MCTP1: variants seen among roughly 807,000 people sequenced by gnomAD.
The protein encoded by MCTP1 is multiple C2 and transmembrane domain containing 1.
Under a neutral mutation model 120.6 loss-of-function variants are expected in MCTP1, and 69 were observed. That is an observed-to-expected ratio of 0.57 (90% CI 0.47 to 0.70). MCTP1 has a LOEUF of 0.70. Ranked by LOEUF, MCTP1 falls within the 30% of genes least tolerant of loss-of-function variation. The pLI, the probability that MCTP1 is intolerant of heterozygous loss-of-function variation, is 0.00. For synonymous variants in MCTP1, 529 were observed against 493.1 expected, an observed-to-expected ratio of 1.07 and a Z score of -0.96; for missense variants, 1,203 against 1,248.8, an observed-to-expected ratio of 0.96 and a Z score of 0.55.
At chr5:95,139,067 G>T (rs957399637) in intron 1 of MCTP1, among the ~76,000 whole-genome samples, 2 of 150,610 alleles carry the variant, frequency 1.3e-5, no homozygotes, top group African/African-American at 4.9e-5. Flanking sequence ...AACATTTAGG[G>T]TTTTTTTTTC....
At chr5:94,912,195 A>C (rs990233469) in intron 9 of MCTP1, among the ~76,000 whole-genome samples, 14 of 151,936 alleles carry the variant, frequency 9.2e-5, no homozygotes, top group Non-Finnish European at 1.9e-4. Context: ...GGGAGGCCAA[A>C]GTGGGTGGAT....
chr5:95,143,039 A>G (rs1182515810), intron 1 of MCTP1, among the ~76,000 whole-genome samples: 1 of 152,182 alleles, frequency 6.6e-6, no homozygotes, highest in Non-Finnish European at 1.5e-5. Flanking sequence ...AGAATGGCCA[A>G]AAAGCAACAA....
intron 2 of MCTP1, among the ~76,000 whole-genome samples, chr5:94,966,125 G>A (rs2153566567): frequency 6.6e-6 from 1 of 152,264 alleles, no homozygotes; most frequent in Admixed American, 6.5e-5. Flanking sequence ...TACATTGCAG[G>A]TGAGGAACAA....
chr5:95,278,627 G>A (rs918856008), intron 1 of MCTP1, among the ~76,000 whole-genome samples: 6 of 152,074 alleles, frequency 3.9e-5, no homozygotes, highest in Non-Finnish European at 5.9e-5. Flanking sequence ...TAAGTTTTCC[G>A]GTAGCAAAAA....
intron 1 of MCTP1, among the ~76,000 whole-genome samples, chr5:95,189,867 G>A (rs760612120): frequency 6.6e-6 from 1 of 152,212 alleles, no homozygotes; most frequent in Non-Finnish European, 1.5e-5. Context: ...GGACATACCT[G>A]ACTTATCATA....
intron 1 of MCTP1, among the ~76,000 whole-genome samples, chr5:95,024,577 C>G (rs997202886): frequency 1.3e-5 from 2 of 151,746 alleles, no homozygotes; most frequent in Non-Finnish European, 1.5e-5. Context: ...TTTCAACACC[C>G]CTATTCAACG....
chr5:94,946,397 G>C (rs1415808461), intron 3 of MCTP1, among the ~76,000 whole-genome samples: 1 of 152,122 alleles, frequency 6.6e-6, no homozygotes. Context: ...AGCATAGGTT[G>C]CCTTTATTTT....
At chr5:94,751,536 A>G (rs1430438691) in intron 19 of MCTP1, among the ~76,000 whole-genome samples, 1 of 152,134 alleles carries the variant, frequency 6.6e-6, no homozygotes, top group Non-Finnish European at 1.5e-5. Context: ...TGCGAGGGCT[A>G]TAGCCCTGAC....
intron 2 of MCTP1, among the ~76,000 whole-genome samples, chr5:95,010,846 G>A (rs1289890049): frequency 6.6e-6 from 1 of 152,188 alleles, no homozygotes; most frequent in Non-Finnish European, 1.5e-5. Context: ...ACTCAAAATT[G>A]TGGAGGCACA....
intron 1 of MCTP1, among the ~76,000 whole-genome samples, chr5:95,232,158 TAA>T (rs35731165): frequency 1.5e-4 from 10 of 66,968 alleles, no homozygotes; most frequent in African/African-American, 2.3e-4. Context: ...AAGTGATCAC[TAA>T]AAAAAAAAAA....
At chr5:94,752,658 G>A (rs892030331) in intron 19 of MCTP1, among the ~76,000 whole-genome samples, 20 of 152,108 alleles carry the variant, frequency 1.3e-4, no homozygotes, top group African/African-American at 4.6e-4. Flanking sequence ...ACTTACCTGA[G>A]TATGAAAAAA....
chr5:94,838,428 T>C (rs1300214638), intron 17 of MCTP1, among the ~76,000 whole-genome samples: 1 of 152,200 alleles, frequency 6.6e-6, no homozygotes, highest in Non-Finnish European at 1.5e-5. Flanking sequence ...TCCTATGATA[T>C]GGAGGACATG....
At chr5:95,147,068 CTTAT>C (rs1163860382) in intron 1 of MCTP1, among the ~76,000 whole-genome samples, 3 of 151,834 alleles carry the variant, frequency 2.0e-5, no homozygotes, top group African/African-American at 4.8e-5. Flanking sequence ...ATGTTGGGTG[CTTAT>C]TTATTTTATT....
chr5:95,246,591 C>T (rs1022167954), intron 1 of MCTP1, among the ~76,000 whole-genome samples: 34 of 152,148 alleles, frequency 2.2e-4, no homozygotes, highest in African/African-American at 7.7e-4. Flanking sequence ...GTAAAGAGAT[C>T]AATTCAACAA....
At chr5:95,254,823 G>C (rs185781694) in intron 1 of MCTP1, among the ~76,000 whole-genome samples, 10 of 152,230 alleles carry the variant, frequency 6.6e-5, no homozygotes, top group East Asian at 1.9e-4. Flanking sequence ...ATTTGGCCAA[G>C]ACAATTAGAT....
intron 2 of MCTP1, among the ~76,000 whole-genome samples, chr5:94,972,825 T>A (rs923723905): frequency 1.3e-5 from 2 of 152,028 alleles, no homozygotes; most frequent in African/African-American, 4.8e-5. Flanking sequence ...CCCATTCAAT[T>A]CAGTTTAATA....
At chr5:95,031,216 C>T (rs547664485) in intron 1 of MCTP1, among the ~76,000 whole-genome samples, 1 of 151,990 alleles carries the variant, frequency 6.6e-6, no homozygotes, top group South Asian at 2.1e-4. Context: ...ATTTCAGGGA[C>T]TAGTTCAAGA....
intron 1 of MCTP1, among the ~76,000 whole-genome samples, chr5:95,047,312 C>T (rs561024089): frequency 2.6e-5 from 4 of 152,210 alleles, no homozygotes; most frequent in South Asian, 2.1e-4. Flanking sequence ...AAGTGGACCA[C>T]GGAGCACTGA....
At chr5:95,170,750 T>G (rs1747155336) in intron 1 of MCTP1, among the ~76,000 whole-genome samples, 2 of 152,218 alleles carry the variant, frequency 1.3e-5, no homozygotes, top group African/African-American at 2.4e-5. Context: ...TTTTTTTGTT[T>G]TCTATTTGCT....
Sources: allele counts gnomAD v4.1 joint callset (sites outside exome capture counted in the v4.1 genomes callset), GRCh38; gene constraint gnomAD v4.1.1; transcripts MANE v1.5; gene names NCBI Gene and HGNC (gene_info 2026-07-23, HGNC 2026-07-21).